CIDEA: variants seen among roughly 807,000 people sequenced by gnomAD.
The protein encoded by CIDEA is lipid transferase CIDEA.
CIDEA carries 10 observed loss-of-function variants against 18.2 expected under a neutral mutation model. That is an observed-to-expected ratio of 0.55 (90% confidence interval 0.34 to 0.93). CIDEA has a LOEUF of 0.93. Ranked by LOEUF, CIDEA falls within the 40% of genes least tolerant of loss-of-function variation. The pLI, the probability that CIDEA is intolerant of heterozygous loss-of-function variation, is 0.02. For synonymous variants in CIDEA, 128 were observed against 124.8 expected (o/e 1.03, Z -0.17); for missense variants, 309 against 293.1 (o/e 1.05, Z -0.40).
intron 3 of CIDEA, among the ~76,000 whole-genome samples, chr18:12,266,276 A>G (rs1025255359): frequency 1.3e-5 from 2 of 152,094 alleles, no homozygotes; most frequent in African/African-American, 4.8e-5. Flanking sequence ...CAACATGGCA[A>G]AACCCCATCT....
chr18:12,266,811 A>G (rs1294092256), intron 3 of CIDEA, among the ~76,000 whole-genome samples: 1 of 148,788 alleles, frequency 6.7e-6, no homozygotes, highest in Non-Finnish European at 1.5e-5. Flanking sequence ...CCCAGGCTTG[A>G]GTGCAGTGGT....
At chr18:12,275,862 A>G (rs1036875294) in intron 4 of CIDEA, among the ~76,000 whole-genome samples, 2 of 152,274 alleles carry the variant, frequency 1.3e-5, no homozygotes, top group African/African-American at 4.8e-5. Context: ...TTGCCGGGTT[A>G]GGAGAAAATA....
chr18:12,262,777 T>A, intron 1 of CIDEA, 48 bp from the exon 2 acceptor site: 1 of 1,566,126 alleles, frequency 6.4e-7, no homozygotes, highest in Non-Finnish European at 8.8e-7. Context: ...TCACACTTCT[T>A]CTGACAGACT....
intron 3 of CIDEA, among the ~76,000 whole-genome samples, chr18:12,269,706 T>C (rs1912458722): frequency 6.6e-6 from 1 of 152,150 alleles, no homozygotes; most frequent in Non-Finnish European, 1.5e-5. Context: ...TTTCTCTTTT[T>C]CTTTTTTTTC....
intron 1 of CIDEA, among the ~76,000 whole-genome samples, chr18:12,255,531 A>T (rs962772436): frequency 1.3e-5 from 2 of 152,160 alleles, no homozygotes; most frequent in South Asian, 4.1e-4. Flanking sequence ...GGTCATTAAC[A>T]CGCTTAGGCC....
chr18:12,272,736 A>G (rs1409538350), intron 3 of CIDEA, among the ~76,000 whole-genome samples: 1 of 150,010 alleles, frequency 6.7e-6, no homozygotes, highest in Non-Finnish European at 1.5e-5. Flanking sequence ...TCCACCTCAC[A>G]AAATTTTATT....
intron 1 of CIDEA, among the ~76,000 whole-genome samples, chr18:12,258,419 A>T (rs932074458): frequency 6.6e-6 from 1 of 152,228 alleles, no homozygotes; most frequent in South Asian, 2.1e-4. Flanking sequence ...GACATGGACC[A>T]TGTTCTCTCA....
At chr18:12,254,772 G>A (rs1417608586) in intron 1 of CIDEA, 2 of 1,381,456 alleles carry the variant, frequency 1.4e-6, no homozygotes, top group Non-Finnish European at 1.9e-6. Flanking sequence ...AGTCGCGGGC[G>A]CAGAAGAGGG....
chr18:12,273,849 C>A (rs1419273788), intron 3 of CIDEA, among the ~76,000 whole-genome samples: 1 of 152,228 alleles, frequency 6.6e-6, no homozygotes, highest in Non-Finnish European at 1.5e-5. Flanking sequence ...TGACGCCACA[C>A]CAGACTCACC....
At chr18:12,272,152 G>GGGC (rs1912558507) in intron 3 of CIDEA, among the ~76,000 whole-genome samples, 2 of 27,308 alleles carry the variant, frequency 7.3e-5, no homozygotes, top group Non-Finnish European at 2.0e-4. Flanking sequence ...GTGTGTGTGG[G>GGGC]GGGGGGGGGT....
At chr18:12,264,519 C>T (rs1959551181) in intron 3 of CIDEA, 66 bp downstream of exon 3, 1 of 1,263,542 alleles carries the variant, frequency 7.9e-7, no homozygotes, top group Admixed American at 2.3e-5. Context: ...TTTGTGTGCC[C>T]TACTTGGGTG....
intron 1 of CIDEA, chr18:12,255,012 G>A (rs1056256396): frequency 1.3e-5 from 14 of 1,089,404 alleles, no homozygotes; most frequent in African/African-American, 1.7e-5. Context: ...GGGCGGAGAC[G>A]CTGCCTGGGG....
At chr18:12,273,139 G>A (rs559214693) in intron 3 of CIDEA, among the ~76,000 whole-genome samples, 19 of 152,314 alleles carry the variant, frequency 1.2e-4, no homozygotes, top group African/African-American at 4.6e-4. Flanking sequence ...TCTGTATGGT[G>A]GGACAGGGGA....
intron 1 of CIDEA, among the ~76,000 whole-genome samples, chr18:12,259,478 G>A (rs970074279): frequency 6.6e-6 from 1 of 152,192 alleles, no homozygotes; most frequent in Non-Finnish European, 1.5e-5. Flanking sequence ...TGGCCCACTT[G>A]GAGAAGCCAC....
chr18:12,268,323 A>G (rs1200536402), intron 3 of CIDEA, among the ~76,000 whole-genome samples: 3 of 129,734 alleles, frequency 2.3e-5, no homozygotes, highest in Non-Finnish European at 3.1e-5. Context: ...CAGGTGATCC[A>G]CCCACCTTGG....
At chr18:12,258,537 A>G (rs1912101278) in intron 1 of CIDEA, among the ~76,000 whole-genome samples, 1 of 152,246 alleles carries the variant, frequency 6.6e-6, no homozygotes, top group Admixed American at 6.5e-5. Flanking sequence ...GACAGATGCT[A>G]GAGGCCTTGT....
intron 3 of CIDEA, among the ~76,000 whole-genome samples, chr18:12,270,894 C>CTTTTCTTT (rs1912501402): frequency 1.7e-5 from 1 of 60,000 alleles, no homozygotes; most frequent in Non-Finnish European, 2.9e-5. Context: ...TTTTTCTTTT[C>CTTTTCTTT]TTTTTTTTTT....
chr18:12,273,311 C>T (rs1598782506), intron 3 of CIDEA, among the ~76,000 whole-genome samples: 1 of 152,054 alleles, frequency 6.6e-6, no homozygotes, highest in East Asian at 1.9e-4. Context: ...CCTGTGTAGA[C>T]CCGAATCCTG....
Position 12,274,230 on chromosome 18 carries a change from C to A in CIDEA, c.468C>A (p.Ser156=). The change falls in exon 4 of 5, where the codon TCC becomes TCA. Residue 156 remains serine (S), a synonymous_variant. Transcript: ENST00000320477. The stretch of plus-strand genomic sequence containing the variant: ...AGGCCACCATGTATGAGATGTACTC[C>A]GTGTCCTACGACATCCGGTGCACGG... ...NVKATMYEMY[S]VSYDIRCTGL... 7 of 1,614,214 alleles carry A rather than the reference C, an allele frequency of 4.3e-6. No homozygotes were observed. Among genetic ancestry groups the A allele is most frequent in the Non-Finnish European group, 5.1e-6 (6 of 1,180,038 alleles).
Sources: allele counts gnomAD v4.1 joint callset (sites outside exome capture counted in the v4.1 genomes callset), GRCh38; gene constraint gnomAD v4.1.1; transcripts MANE v1.5; gene names NCBI Gene and HGNC (gene_info 2026-07-23, HGNC 2026-07-21).